The following EPB41L3 variants were observed in gnomAD, a reference collection of about 807,000 sequenced individuals.
EPB41L3 encodes band 4.1-like protein 3.
A neutral mutation model predicts 127.1 loss-of-function variants in EPB41L3; 57 were observed. The ratio of observed to expected loss-of-function variants is 0.45; its 90% CI spans 0.36 to 0.56. The LOEUF (loss-of-function observed/expected upper bound fraction) is 0.56, where lower values mean the gene tolerates loss of function less well. Ranked by LOEUF, EPB41L3 falls within the 20% of genes least tolerant of loss-of-function variation. The pLI is 0.00. For missense variants in EPB41L3, 1,273 were observed against 1,372.2 expected (o/e 0.93, Z 1.14); for synonymous variants, 572 against 549.5 (o/e 1.04, Z -0.57).
chr18:5,415,088 T>C (rs1482428942), intron 13 of EPB41L3, among the ~76,000 whole-genome samples: 1 of 152,232 alleles, frequency 6.6e-6, no homozygotes, highest in Non-Finnish European at 1.5e-5. Flanking sequence ...ATGGTGAAAT[T>C]TCAGCCTGCC....
At chr18:5,455,095 A>C (rs192647176) in intron 3 of EPB41L3, among the ~76,000 whole-genome samples, 220 of 152,352 alleles carry the variant, frequency 1.4e-3, no homozygotes, top group Non-Finnish European at 2.4e-3. Context: ...TATTAAGATA[A>C]AACACTGGAA....
chr18:5,416,174 C>T lies in EPB41L3; in HGVS notation c.1711G>A (p.Val571Met), dbSNP rs375555518. 2 of 1,613,976 alleles carry T rather than the reference C, an allele frequency of 1.2e-6. No individual in the cohort carries two copies. Among genetic ancestry groups the T allele is most frequent in the Non-Finnish European group, 8.5e-7 (1 of 1,179,982 alleles). Reference sequence around the variant, plus strand: ...GTTTGCTGTCTGTAGCTAAAAGCCACATCTTGATCCCCTAGGTAAGGCCTC... The same window carrying T: ...GTTTGCTGTCTGTAGCTAAAAGCCATATCTTGATCCCCTAGGTAAGGCCTC... ...PGRPYLGDQD[V>M]AFSYRQQTGK... Residue 571 changes from valine (V) to methionine (M), a missense_variant, in exon 13 of 23, where the codon GTG (valine) becomes ATG (methionine). Val to Met is a conservative substitution (Grantham distance 21). Around this residue, in one of 3 missense-constraint regions of EPB41L3, gnomAD observed 765 missense variants for 782.9 expected, o/e 0.98. Transcript: ENST00000341928.
intron 3 of EPB41L3, among the ~76,000 whole-genome samples, chr18:5,586,472 T>A (rs1943299499): frequency 6.6e-6 from 1 of 151,562 alleles, no homozygotes; most frequent in Admixed American, 6.6e-5. Context: ...TAATCATGGC[T>A]AACTGCAGCC....
At chr18:5,451,186 T>C (rs950291586) in intron 3 of EPB41L3, among the ~76,000 whole-genome samples, 4 of 152,242 alleles carry the variant, frequency 2.6e-5, no homozygotes, top group African/African-American at 9.6e-5. Context: ...AAAATGAAGA[T>C]AAATGCTTGT....
chr18:5,498,718 A>G (rs1426357864), intron 1 of EPB41L3, among the ~76,000 whole-genome samples: 1 of 152,126 alleles, frequency 6.6e-6, no homozygotes, highest in Non-Finnish European at 1.5e-5. Flanking sequence ...TGGACATTTC[A>G]GAGCATCAAT....
chr18:5,486,187 C>T (rs112936536), intron 2 of EPB41L3, among the ~76,000 whole-genome samples: 71 of 152,200 alleles, frequency 4.7e-4, no homozygotes, highest in Non-Finnish European at 8.5e-4. Context: ...TATAAATCCT[C>T]ACATACAGCC....
chr18:5,484,086 CAAAAAAAAAAAAAAAAA>C (rs57231548), intron 2 of EPB41L3, among the ~76,000 whole-genome samples: 11 of 18,276 alleles, frequency 6.0e-4, no homozygotes, highest in South Asian at 5.4e-3. Context: ...CAAACAAACT[CAAAAAAAAAAAAAAAAA>C]AAAAAAAAAA....
At chr18:5,629,460 C>G (rs1224231808), upstream of EPB41L3, among the ~76,000 whole-genome samples, 1 of 150,400 alleles carries the variant, frequency 6.6e-6, no homozygotes, top group Non-Finnish European at 1.5e-5. Flanking sequence ...CTGCCGCTAG[C>G]GCCCCCCACG....
At chr18:5,562,102 A>G (rs1164707631) in intron 3 of EPB41L3, among the ~76,000 whole-genome samples, 1 of 152,220 alleles carries the variant, frequency 6.6e-6, no homozygotes, top group African/African-American at 2.4e-5. Flanking sequence ...GAAAAAGGAC[A>G]TCAGTGGAAA....
chr18:5,618,472 C>T (rs1050956452), intron 1 of EPB41L3, among the ~76,000 whole-genome samples: 1 of 152,212 alleles, frequency 6.6e-6, no homozygotes, highest in Non-Finnish European at 1.5e-5. Context: ...CATTGCTCAA[C>T]CTACGTCTAA....
At chr18:5,531,301 T>A (rs2093404054) in intron 1 of EPB41L3, among the ~76,000 whole-genome samples, 1 of 152,358 alleles carries the variant, frequency 6.6e-6, no homozygotes, top group African/African-American at 2.4e-5. Flanking sequence ...CACAGCCAAA[T>A]TCTGGATTTT....
At chr18:5,599,388 A>G (rs2094567208) in intron 3 of EPB41L3, among the ~76,000 whole-genome samples, 1 of 152,136 alleles carries the variant, frequency 6.6e-6, no homozygotes, top group South Asian at 2.1e-4. Context: ...TGTTGATGTC[A>G]TCATCAAGGT....
chr18:5,504,570 A>G (rs1336299923), intron 1 of EPB41L3, among the ~76,000 whole-genome samples: 4 of 152,170 alleles, frequency 2.6e-5, no homozygotes, highest in Non-Finnish European at 4.4e-5. Flanking sequence ...GCATTTTTAC[A>G]GCTTGAGAAA....
chr18:5,608,491 A>C (rs2143972977), intron 3 of EPB41L3, among the ~76,000 whole-genome samples: 1 of 152,102 alleles, frequency 6.6e-6, no homozygotes, highest in South Asian at 2.1e-4. Context: ...ATTGAGTAAA[A>C]CCCTGTTGTT....
chr18:5,480,523 C>A (rs563592400), intron 2 of EPB41L3, among the ~76,000 whole-genome samples: 2 of 152,274 alleles, frequency 1.3e-5, no homozygotes, highest in East Asian at 3.9e-4. Flanking sequence ...TCAAATCTAG[C>A]CAAACCCATG....
chr18:5,529,413 C>T (rs530040608), intron 1 of EPB41L3, among the ~76,000 whole-genome samples: 5 of 152,220 alleles, frequency 3.3e-5, no homozygotes, highest in South Asian at 2.1e-4. Context: ...CCCCTCTGTG[C>T]GCACCGCCCT....
chr18:5,540,240 AAAAC>A lies in EPB41L3; in HGVS notation c.-12+3669_-12+3672del, dbSNP rs559499907. The A allele has an allele frequency of 9.7e-4, 655 of 677,188 alleles. 1 individual carries two copies. Among genetic ancestry groups the A allele is most frequent in the Non-Finnish European group, 1.1e-3 (590 of 548,484 alleles). 41.9% of individuals were successfully genotyped at this position (677,188 alleles called of 1,614,324 possible). A position where few individuals can be genotyped will look rare whatever the true frequency, so the allele number is the denominator to read the frequency against. On this transcript the variant is annotated intron_variant, in intron 1 of 22. Transcript: ENST00000341928. The stretch of plus-strand genomic sequence containing the variant: ...TTCAGTGCTTTCTACTATTTCACAA[AAAAC>A]AAACAAACAAAAAACGTCTCCTTCC...
At chr18:5,419,591 G>A (rs985039284) in intron 12 of EPB41L3, 120 bp downstream of exon 12, 6 of 1,317,628 alleles carry the variant, frequency 4.6e-6, no homozygotes, top group Non-Finnish European at 6.3e-6. Flanking sequence ...ATATGAATGT[G>A]ACCAGTGCTG....
At chr18:5,576,179 T>TA (rs2094335109) in intron 3 of EPB41L3, among the ~76,000 whole-genome samples, 1 of 152,182 alleles carries the variant, frequency 6.6e-6, no homozygotes. Flanking sequence ...TATCGAAAAA[T>TA]TAGACATTTA....
Sources: allele counts gnomAD v4.1 joint callset (sites outside exome capture counted in the v4.1 genomes callset), GRCh38; gene constraint gnomAD v4.1.1; regional missense constraint gnomAD v4.1.1; transcripts MANE v1.5; gene names NCBI Gene and HGNC (gene_info 2026-07-23, HGNC 2026-07-21).